Variants in WSB2 observed in about 807,000 individuals in gnomAD.
WSB2 encodes the protein WD repeat and SOCS box containing 2.
In WSB2, 12 loss-of-function variants were observed where a neutral mutation model predicts 48.8. The observed-to-expected ratio is 0.25, with a 90% confidence interval of 0.16 to 0.40. WSB2 has a LOEUF of 0.40. Among genes scored for constraint, WSB2 ranks in the 10% least tolerant of loss-of-function variants. The probability of loss-of-function intolerance (pLI) is 1.00; values close to 1 mark genes in which losing one functional copy is unlikely to be tolerated. For synonymous variants in WSB2, 191 were observed against 203.1 expected (o/e 0.94, Z 0.51); for missense variants, 317 against 506.2 (o/e 0.63, Z 3.59).
At position 118,052,401 on chromosome 12, in the gene WSB2, TC is replaced by T; in HGVS notation, c.90del (p.Trp30Ter). The T allele has an allele frequency of 6.2e-7, 1 of 1,614,178 alleles. No individual in the cohort carries two copies. Reference protein sequence around the residue: ...QFDWKSSCETWSVAFSPDGSW... With the variant: ...QFDWKSSCETXSVAFSPDGSW... ...GAGCCATCTGGGGAGAAGGCGACGC[TC>T]CAGGTTTCACAGCTGGACTTCCAAT... On this transcript the variant is annotated frameshift_variant, in exon 2 of 9. Coordinates refer to ENST00000315436, the MANE Select transcript of WSB2 (RefSeq NM_018639.5). LOFTEE classifies it high-confidence loss of function.
intron 4 of WSB2, among the ~76,000 whole-genome samples, chr12:118,040,723 G>T (rs189180289): frequency 1.3e-5 from 2 of 152,092 alleles, no homozygotes; most frequent in East Asian, 3.9e-4. Context: ...TTAGACTGTG[G>T]GATTACAGGT....
intron 2 of WSB2, among the ~76,000 whole-genome samples, chr12:118,047,241 G>C (rs2031763006): frequency 6.6e-6 from 1 of 152,042 alleles, no homozygotes; most frequent in Non-Finnish European, 1.5e-5. Flanking sequence ...AAAATCAGGG[G>C]CAGAACTGGA....
At chr12:118,036,893 T>G (rs73410744) in intron 5 of WSB2, among the ~76,000 whole-genome samples, 47,140 of 152,046 alleles carry the variant, frequency 0.31, 8,095 homozygotes, top group East Asian at 0.55. Context: ...TAAAAATAAA[T>G]GTCAGCGGCC....
chr12:118,046,160 A>T (rs2031740571), intron 2 of WSB2, among the ~76,000 whole-genome samples: 1 of 152,162 alleles, frequency 6.6e-6, no homozygotes. Flanking sequence ...CAAAGCCTAA[A>T]CTATTTATAG....
Position 118,033,477 on chromosome 12 carries a change from C to T in WSB2, c.*719G>A, listed in dbSNP as rs940235762. 2.7e-5 allele frequency: 4 copies of T among 150,220 alleles called. No individual in the cohort carries two copies. Among genetic ancestry groups the T allele is most frequent in the African/African-American group, 4.9e-5 (2 of 40,504 alleles). The allele number at this position is 150,220 out of a possible 1,614,324, so 9.3% of individuals were successfully genotyped here. On this transcript the variant is annotated 3_prime_UTR_variant, in exon 9 of 9. Coordinates refer to ENST00000315436, the MANE Select transcript of WSB2 (RefSeq NM_018639.5). Reference sequence around the variant, plus strand: ...CTCAGTAGCCATCTGAATAGTCATGCGGTTTAAGAATACATCCTTGTATAA... The same window carrying T: ...CTCAGTAGCCATCTGAATAGTCATGTGGTTTAAGAATACATCCTTGTATAA...
intron 8 of WSB2, 100 bp from the exon 9 acceptor site, chr12:118,034,458 G>T: frequency 7.1e-7 from 1 of 1,407,230 alleles, no homozygotes; most frequent in Non-Finnish European, 9.7e-7. Context: ...AAGAGCAGGA[G>T]ACTTCGGAGA....
intron 2 of WSB2, among the ~76,000 whole-genome samples, chr12:118,045,946 G>A (rs1377927272): frequency 1.3e-5 from 2 of 152,278 alleles, no homozygotes; most frequent in East Asian, 1.9e-4. Context: ...AGATCATGCA[G>A]TATTTGTCTC....
At chr12:118,052,656 C>T (rs1020898223) in intron 1 of WSB2, 178 bp from the exon 2 acceptor site, 2 of 901,002 alleles carry the variant, frequency 2.2e-6, no homozygotes, top group East Asian at 2.7e-5. Flanking sequence ...ACCACGGTTA[C>T]TCAATCCTGG....
At position 118,035,089 on chromosome 12, in the gene WSB2, G is replaced by A; in HGVS notation, c.949C>T (p.Leu317Phe). 6.2e-7 allele frequency: 1 copy of A among 1,614,166 alleles called. No homozygotes were observed. The highest frequency in any genetic ancestry group is 1.7e-5 in the Admixed American group (1 of 60,024). ...TTCAGTTCCAGGGCCCAGATCCTGA[G>A]GAGTCTGGATGGGGAGAGAGAACAT... ...YLATVADDRL[L>F]RIWALELKTP... The change falls in exon 8 of 9, where the codon CTC becomes TTC. Residue 317 changes from leucine (L) to phenylalanine (F), a missense_variant. By Grantham distance (22) the Leu-to-Phe change is conservative. This residue lies in a region of WSB2 where 189 missense variants were observed against 349.6 expected (regional missense o/e 0.54). Transcript: ENST00000315436.
At chr12:118,034,586 T>TCTCG in intron 8 of WSB2, 1 of 555,036 alleles carries the variant, frequency 1.8e-6, no homozygotes, top group South Asian at 2.6e-5. Context: ...TCTCTCTGTC[T>TCTCG]CTCTCTCGGC....
chr12:118,061,877 T>C (rs567622902), upstream of WSB2, among the ~76,000 whole-genome samples: 10 of 121,638 alleles, frequency 8.2e-5, no homozygotes, highest in African/African-American at 3.2e-4. Flanking sequence ...GAAGGTGTAA[T>C]AACCGGGTGC....
intron 5 of WSB2, chr12:118,037,949 TTG>T (rs1566136381): frequency 5.1e-6 from 1 of 195,658 alleles, no homozygotes; most frequent in African/African-American, 2.3e-5. Flanking sequence ...GGATTCAAAT[TTG>T]ATGGTTCAAA....
rs539786662 is a variant in WSB2 at position 118,042,406 on chromosome 12, A to G, written c.559+435T>C. 1.4e-4 allele frequency: 24 copies of G among 174,150 alleles called. 1 individual carries two copies. The highest frequency in any genetic ancestry group is 1.2e-4 in the South Asian group (1 of 8,140). The allele number at this position is 174,150 out of a possible 1,614,324, so 10.8% of individuals were successfully genotyped here. A position where few individuals can be genotyped will look rare whatever the true frequency, so the allele number is the denominator to read the frequency against. On this transcript the variant is annotated intron_variant, in intron 4 of 8. Coordinates refer to ENST00000315436, the MANE Select transcript of WSB2 (RefSeq NM_018639.5). The stretch of plus-strand genomic sequence containing the variant: ...CTTAGAATGCACAGGAGAGCCCACG[A>G]CAAAGGGTTATCCAGCCCAAAATAT...
intron 4 of WSB2, 32 bp downstream of exon 4, chr12:118,042,809 G>A: frequency 6.2e-7 from 1 of 1,602,408 alleles, no homozygotes. Flanking sequence ...AGTATTTTTG[G>A]AGTTGCCGAG....
chr12:118,036,361 G>A lies in WSB2; in HGVS notation c.810C>T (p.Thr270=), dbSNP rs202169586. 608 of 1,614,076 alleles carry A rather than the reference G, an allele frequency of 3.8e-4. 1 individual carries two copies. Among genetic ancestry groups the A allele is most frequent in the Non-Finnish European group, 4.4e-4 (514 of 1,179,986 alleles). Residue 270 remains threonine, a synonymous_variant, in exon 6 of 9, where the codon ACC becomes ACT. Transcript: ENST00000315436. The part of the protein sequence containing the change: ...DTNVIMWDPY[T]GERLRSLHHT... The stretch of plus-strand genomic sequence containing the variant: ...ACTGGAGTGACCTCAGCCTTTCGCC[G>A]GTGTAGGGGTCCCACATAATCACAT...
chr12:118,043,463 G>T, intron 2 of WSB2, 86 bp from the exon 3 acceptor site: 1 of 1,500,258 alleles, frequency 6.7e-7, no homozygotes, highest in Non-Finnish European at 8.8e-7. Context: ...GACTTTTGGG[G>T]AGTGGAGGGA....
chr12:118,041,581 T>G (rs1007859249), intron 4 of WSB2, among the ~76,000 whole-genome samples: 3 of 151,930 alleles, frequency 2.0e-5, no homozygotes, highest in Admixed American at 1.3e-4. Flanking sequence ...CTTCACACCA[T>G]GGGGACAAGT....
At chr12:118,034,595 G>T in intron 8 of WSB2, 1 of 414,950 alleles carries the variant, frequency 2.4e-6, no homozygotes, top group Non-Finnish European at 4.1e-6. Context: ...CTCTCTCTCG[G>T]CACAGCCCTT....
At chr12:118,042,686 G>A in intron 4 of WSB2, 155 bp downstream of exon 4, 1 of 1,189,626 alleles carries the variant, frequency 8.4e-7, no homozygotes, top group Non-Finnish European at 1.2e-6. Context: ...GCGGGCAGGG[G>A]CGATTAGGAA....
Sources: gnomAD v4.1 joint callset for allele counts (sites outside exome capture counted in the v4.1 genomes callset) on GRCh38, gnomAD v4.1.1 for gene constraint, gnomAD v4.1.1 regional missense constraint, MANE v1.5 for transcripts, NCBI Gene and HGNC (gene_info 2026-07-23, HGNC 2026-07-21) for gene names.